Variants in FIGN observed in about 807,000 individuals in gnomAD.
FIGN encodes fidgetin.
Under a neutral mutation model 51.3 loss-of-function variants are expected in FIGN, and 11 were observed. The ratio of observed to expected loss-of-function variants is 0.21; its 90% CI spans 0.13 to 0.35. The LOEUF is 0.35. Among genes scored for constraint, FIGN ranks in the 10% least tolerant of loss-of-function variants. FIGN has a pLI of 1.00. For missense variants in FIGN, 857 were observed against 943.6 expected (o/e 0.91, Z 1.20); for synonymous variants, 407 against 363.2 (o/e 1.12, Z -1.37).
Position 163,688,817 on chromosome 2 carries a change from C to T in FIGN, c.25+46086G>A, listed in dbSNP as rs149549879. Among the ~76,000 whole-genome samples, 174 of 152,072 alleles carry T rather than the reference C, an allele frequency of 1.1e-3. 1 individual carries two copies. Among genetic ancestry groups the T allele is most frequent in the African/African-American group, 3.8e-3 (159 of 41,492 alleles). On this transcript the variant is annotated intron_variant, in intron 2 of 2. Transcript: ENST00000333129. ...ATCAGATAGTTTTTGGTCATGTTTT[C>T]GGTAAAGGACAAGCAGAGTATAACA...
chr2:163,721,389 T>C (rs977312160), intron 2 of FIGN, among the ~76,000 whole-genome samples: 5 of 152,164 alleles, frequency 3.3e-5, no homozygotes, highest in African/African-American at 1.2e-4. Context: ...TGAAGCACAT[T>C]GAATGGTTTC....
intron 2 of FIGN, among the ~76,000 whole-genome samples, chr2:163,644,762 G>A (rs1448415512): frequency 6.6e-6 from 1 of 152,160 alleles, no homozygotes; most frequent in Non-Finnish European, 1.5e-5. Context: ...TGAAGTACTG[G>A]CACATGTTAA....
chr2:163,668,652 T>C (rs957054750), intron 2 of FIGN, among the ~76,000 whole-genome samples: 3 of 152,098 alleles, frequency 2.0e-5, no homozygotes, highest in Non-Finnish European at 2.9e-5. Flanking sequence ...TTATAAGAGA[T>C]GTAGTAGGCC....
At chr2:163,671,307 C>T (rs1488367242) in intron 2 of FIGN, among the ~76,000 whole-genome samples, 3 of 152,146 alleles carry the variant, frequency 2.0e-5, no homozygotes, top group African/African-American at 7.2e-5. Flanking sequence ...GAATCAACCT[C>T]TGTGGCATAC....
chr2:163,633,691 G>A (rs983317892), intron 2 of FIGN, among the ~76,000 whole-genome samples: 10 of 152,138 alleles, frequency 6.6e-5, no homozygotes, highest in Non-Finnish European at 1.3e-4. Context: ...AAATTAAACC[G>A]TAAAATTTTC....
chr2:163,615,554 C>T (rs1254489361), intron 2 of FIGN, among the ~76,000 whole-genome samples: 1 of 152,108 alleles, frequency 6.6e-6, no homozygotes, highest in Non-Finnish European at 1.5e-5. Context: ...TTCTGAACAA[C>T]AAAAACATCC....
At chr2:163,655,188 C>T (rs1314702722) in intron 2 of FIGN, among the ~76,000 whole-genome samples, 5 of 152,116 alleles carry the variant, frequency 3.3e-5, no homozygotes, top group Non-Finnish European at 5.9e-5. Context: ...GTAGCCAACA[C>T]TTGACAAACC....
intron 2 of FIGN, among the ~76,000 whole-genome samples, chr2:163,708,621 A>C (rs1272418734): frequency 6.6e-6 from 1 of 152,164 alleles, no homozygotes; most frequent in Non-Finnish European, 1.5e-5. Context: ...TAATTAAAAT[A>C]TTGTTTCTGT....
At chr2:163,688,642 A>G (rs1383912644) in intron 2 of FIGN, among the ~76,000 whole-genome samples, 1 of 152,166 alleles carries the variant, frequency 6.6e-6, no homozygotes, top group African/African-American at 2.4e-5. Context: ...GAGCTACAGA[A>G]GGCTTGTGAG....
intron 2 of FIGN, among the ~76,000 whole-genome samples, chr2:163,701,887 C>G (rs972773787): frequency 6.6e-6 from 1 of 152,134 alleles, no homozygotes; most frequent in Non-Finnish European, 1.5e-5. Flanking sequence ...CTAGCACCTT[C>G]TGGTGTAAGT....
At chr2:163,656,279 G>A (rs1683557954) in intron 2 of FIGN, among the ~76,000 whole-genome samples, 1 of 152,086 alleles carries the variant, frequency 6.6e-6, no homozygotes, top group South Asian at 2.1e-4. Context: ...CCTGTTTATT[G>A]GGTATCAAGA....
chr2:163,665,161 A>T (rs996996870), intron 2 of FIGN, among the ~76,000 whole-genome samples: 1 of 152,248 alleles, frequency 6.6e-6, no homozygotes, highest in Non-Finnish European at 1.5e-5. Context: ...GAAAGTGCAC[A>T]TTCTCTTTCT....
chr2:163,664,118 T>A (rs1403811564), intron 2 of FIGN, among the ~76,000 whole-genome samples: 1 of 152,098 alleles, frequency 6.6e-6, no homozygotes, highest in African/African-American at 2.4e-5. Context: ...GGAGGCTGGA[T>A]GTGATCAGGA....
At position 163,694,345 on chromosome 2, in the gene FIGN, T is replaced by C. The variant is rs970628512; in HGVS notation, c.25+40558A>G. 1.1e-4 allele frequency among the ~76,000 whole-genome samples: 16 copies of C among 152,196 alleles called. 1 individual carries two copies. The highest frequency in any genetic ancestry group is 4.8e-5 in the African/African-American group (2 of 41,470). ...TTAAATCAGTTTGGGAAATGTGTAC[T>C]ATAACCTCCTCTTCAATATTCATAA... On this transcript the variant is annotated intron_variant, in intron 2 of 2. Transcript: ENST00000333129.
chr2:163,680,891 T>C (rs1253452368), intron 2 of FIGN, among the ~76,000 whole-genome samples: 1 of 152,212 alleles, frequency 6.6e-6, no homozygotes, highest in African/African-American at 2.4e-5. Context: ...CTGGTATCCT[T>C]ATCAGCCTGT....
chr2:163,630,625 CCTAA>C (rs1484171173), intron 2 of FIGN, among the ~76,000 whole-genome samples: 3 of 150,376 alleles, frequency 2.0e-5, no homozygotes, highest in Non-Finnish European at 4.4e-5. Flanking sequence ...GAAACATAGG[CCTAA>C]CTGACAACTG....
intron 2 of FIGN, among the ~76,000 whole-genome samples, chr2:163,668,845 G>A (rs975837844): frequency 8.6e-5 from 13 of 151,966 alleles, no homozygotes; most frequent in Non-Finnish European, 8.8e-5. Context: ...GGAGGCTGAG[G>A]TGGGAGAATG....
intron 2 of FIGN, among the ~76,000 whole-genome samples, chr2:163,722,995 G>A (rs1684782699): frequency 6.6e-6 from 1 of 151,682 alleles, no homozygotes; most frequent in African/African-American, 2.4e-5. Flanking sequence ...GACCATCCCG[G>A]CTAACACGGT....
At chr2:163,642,117 T>G (rs2105316910) in intron 2 of FIGN, among the ~76,000 whole-genome samples, 1 of 152,316 alleles carries the variant, frequency 6.6e-6, no homozygotes, top group East Asian at 1.9e-4. Context: ...GGCTTCAAAC[T>G]TAGGTCACTT....
Sources: allele counts gnomAD v4.1 joint callset (sites outside exome capture counted in the v4.1 genomes callset), GRCh38; gene constraint gnomAD v4.1.1; transcripts MANE v1.5; gene names NCBI Gene and HGNC (gene_info 2026-07-23, HGNC 2026-07-21).